The following MIB1 variants were observed in gnomAD, a reference collection of about 807,000 sequenced individuals.
MIB1 encodes the protein MIB E3 ubiquitin protein ligase 1.
MIB1 carries 278 observed loss-of-function variants against 124.5 expected under a neutral mutation model. The observed-to-expected ratio is 2.23, with a 90% CI of 2.02 to 2.47. MIB1 has a LOEUF of 2.47. MIB1 is among the 30% of genes most tolerant of loss of function. The probability of loss-of-function intolerance (pLI) is 0.00; values close to 1 mark genes in which losing one functional copy is unlikely to be tolerated. For missense variants in MIB1, 957 were observed against 1,254.4 expected, an observed-to-expected ratio of 0.76 and a Z score of 3.58; for synonymous variants, 446 against 429.4, an observed-to-expected ratio of 1.04 and a Z score of -0.48.
At chr18:21,771,688 TA>T (rs1322902795) in intron 3 of MIB1, among the ~76,000 whole-genome samples, 2 of 152,122 alleles carry the variant, frequency 1.3e-5, no homozygotes, top group Admixed American at 6.5e-5. Context: ...TTTTTTTTCT[TA>T]GGTTGGGTAA....
chr18:21,738,818 A>C (rs1362250689), upstream of MIB1, among the ~76,000 whole-genome samples: 1 of 22,744 alleles, frequency 4.4e-5, no homozygotes, highest in Non-Finnish European at 7.0e-5. Context: ...AAAAAAAAAA[A>C]AAAAAAAAAA....
At chr18:21,816,156 CTA>C (rs1766132402) in intron 11 of MIB1, among the ~76,000 whole-genome samples, 1 of 152,074 alleles carries the variant, frequency 6.6e-6, no homozygotes. Flanking sequence ...TACTTCATAA[CTA>C]TTTAAATTAT....
intron 12 of MIB1, among the ~76,000 whole-genome samples, chr18:21,820,530 G>A (rs1210321958): frequency 1.3e-5 from 2 of 152,166 alleles, no homozygotes; most frequent in East Asian, 3.9e-4. Context: ...TGTAACAGTG[G>A]GTATATATTG....
At chr18:21,787,466 C>T (rs2041449364) in intron 6 of MIB1, among the ~76,000 whole-genome samples, 1 of 152,114 alleles carries the variant, frequency 6.6e-6, no homozygotes, top group Non-Finnish European at 1.5e-5. Flanking sequence ...CCTGCAGGTA[C>T]TCATAAGGCT....
intron 12 of MIB1, among the ~76,000 whole-genome samples, chr18:21,823,981 G>A (rs1301233275): frequency 6.6e-6 from 1 of 152,110 alleles, no homozygotes; most frequent in Non-Finnish European, 1.5e-5. Context: ...GGTACTTTCT[G>A]TAAAGATGCT....
intron 9 of MIB1, 109 bp downstream of exon 9, chr18:21,800,083 CTT>C (rs2041633827): frequency 1.2e-6 from 1 of 833,556 alleles, no homozygotes; most frequent in South Asian, 2.6e-5. Context: ...TTTATTTCTT[CTT>C]TCTTGTTTTT....
At chr18:21,705,845 C>T (rs1032837260) in intron 1 of MIB1, among the ~76,000 whole-genome samples, 2 of 152,074 alleles carry the variant, frequency 1.3e-5, no homozygotes, top group African/African-American at 4.8e-5. Flanking sequence ...TGTAGCGTAA[C>T]AATTTCTACT....
At chr18:21,795,330 A>G (rs1319678766) in intron 7 of MIB1, among the ~76,000 whole-genome samples, 1 of 142,086 alleles carries the variant, frequency 7.0e-6, no homozygotes. Flanking sequence ...TAATATATAA[A>G]TATATAATAT....
chr18:21,835,801 C>CACACACACA (rs1555695315), intron 12 of MIB1, among the ~76,000 whole-genome samples: 10 of 101,582 alleles, frequency 9.8e-5, no homozygotes, highest in Admixed American at 6.5e-4. Context: ...ATATATATAT[C>CACACACACA]CACACACACA....
intron 12 of MIB1, chr18:21,826,241 ACTGC>A: frequency 6.3e-6 from 1 of 158,214 alleles, no homozygotes; most frequent in Admixed American, 6.3e-5. Flanking sequence ...ACCCCCTTCT[ACTGC>A]CACTGCTTCT....
chr18:21,744,399 G>C (rs1428793279), intron 1 of MIB1, among the ~76,000 whole-genome samples: 1 of 152,026 alleles, frequency 6.6e-6, no homozygotes, highest in Non-Finnish European at 1.5e-5. Flanking sequence ...ACCTTCTTCA[G>C]CTGTTAATAT....
intron 1 of MIB1, among the ~76,000 whole-genome samples, chr18:21,718,377 A>G (rs375282212): frequency 7.9e-5 from 12 of 152,322 alleles, no homozygotes; most frequent in African/African-American, 2.9e-4. Context: ...CCTGTTCCGC[A>G]ATAACCTATG....
intron 10 of MIB1, among the ~76,000 whole-genome samples, chr18:21,806,772 C>T (rs553420480): frequency 2.1e-3 from 322 of 152,088 alleles, no homozygotes; most frequent in African/African-American, 7.3e-3. Context: ...TACAGGCGCA[C>T]GCCGCCACAC....
In MIB1 at chr18:21,869,370, GT is replaced by G. The variant is rs1209643697; in HGVS notation, c.*4706del. On this transcript the variant is annotated 3_prime_UTR_variant, in exon 21 of 21. Transcript: ENST00000261537. The stretch of plus-strand genomic sequence containing the variant: ...AGTTCTGACTCAGGGCTTTTTAACA[GT>G]TCAAGCAATTGTCAGTTATATTTTG... The G allele has an allele frequency of 2.6e-5, 4 of 152,440 alleles. No homozygotes were observed. Among genetic ancestry groups the G allele is most frequent in the Non-Finnish European group, 5.9e-5 (4 of 67,882 alleles). 9.4% of individuals were successfully genotyped at this position (152,440 alleles called of 1,614,324 possible).
chr18:21,707,450 G>A (rs1311143473), intron 1 of MIB1, among the ~76,000 whole-genome samples: 2 of 152,148 alleles, frequency 1.3e-5, no homozygotes, highest in Admixed American at 6.5e-5. Context: ...TACTGGGGTC[G>A]CCTTCCACGT....
At chr18:21,822,173 A>G (rs138879861) in intron 12 of MIB1, among the ~76,000 whole-genome samples, 38 of 152,320 alleles carry the variant, frequency 2.5e-4, no homozygotes, top group African/African-American at 8.4e-4. Context: ...TCAGATTACA[A>G]TGGTCAAAAA....
chr18:21,790,688 C>T (rs1889070749), intron 6 of MIB1, among the ~76,000 whole-genome samples: 3 of 152,100 alleles, frequency 2.0e-5, no homozygotes, highest in South Asian at 4.1e-4. Flanking sequence ...ATAGTGGTTT[C>T]TAGTGGGATG....
At chr18:21,821,850 C>G (rs927793439) in intron 12 of MIB1, among the ~76,000 whole-genome samples, 1 of 152,160 alleles carries the variant, frequency 6.6e-6, no homozygotes, top group African/African-American at 2.4e-5. Context: ...ATCCGCCTGT[C>G]TCGGCCTCCC....
intron 3 of MIB1, among the ~76,000 whole-genome samples, chr18:21,770,233 A>C (rs1004977174): frequency 2.0e-5 from 3 of 152,214 alleles, no homozygotes; most frequent in Non-Finnish European, 4.4e-5. Flanking sequence ...AACAAAATGA[A>C]GAAAAAGAAA....
Sources: allele counts gnomAD v4.1 joint callset (sites outside exome capture counted in the v4.1 genomes callset), GRCh38; gene constraint gnomAD v4.1.1; transcripts MANE v1.5; gene names NCBI Gene and HGNC (gene_info 2026-07-23, HGNC 2026-07-21).